Variants in HEATR5B observed in about 807,000 individuals in gnomAD.
The protein encoded by HEATR5B is HEAT repeat containing 5B, also known as HEAT repeat-containing protein 5B.
HEATR5B carries 156 observed loss-of-function variants against 224.1 expected under a neutral mutation model. The ratio of observed to expected loss-of-function variants is 0.70; its 90% CI spans 0.61 to 0.80. The LOEUF (loss-of-function observed/expected upper bound fraction) is 0.80. Ranked by LOEUF, HEATR5B falls within the 30% of genes least tolerant of loss-of-function variation. HEATR5B has a pLI of 0.00. For synonymous variants in HEATR5B, 1,027 were observed against 893.0 expected, an observed-to-expected ratio of 1.15 and a Z score of -2.68; for missense variants, 2,323 against 2,535.5, an observed-to-expected ratio of 0.92 and a Z score of 1.80.
Position 37,027,949 on chromosome 2 carries a change from C to T in HEATR5B, c.3827G>A (p.Arg1276His), listed in dbSNP as rs376585931. 16 of 1,613,888 alleles carry T rather than the reference C, an allele frequency of 9.9e-6. No individual in the cohort carries two copies. Among genetic ancestry groups the T allele is most frequent in the African/African-American group, 2.7e-5 (2 of 74,922 alleles). ...TGTAGGGTTTCGAAGTTTAGCAGAA[C>T]GTGCCAAGGCAAGATCAAAGTGAGC... ...DQAHFDLALA[R>H]SAKLRNPTND... The change falls in exon 24 of 36, where the codon CGT becomes CAT. Residue 1276 changes from arginine (R) to histidine (H), a missense_variant. Arg to His is a conservative substitution (Grantham distance 29). Around this residue, in one of 12 missense-constraint regions of HEATR5B, gnomAD observed 339 missense variants for 378.4 expected, o/e 0.90. Transcript: ENST00000233099.
At chr2:37,035,899 C>T (rs767525930) in intron 21 of HEATR5B, among the ~76,000 whole-genome samples, 4 of 152,174 alleles carry the variant, frequency 2.6e-5, no homozygotes. Flanking sequence ...CCCAACCCTC[C>T]TCCTCCGATG....
intron 17 of HEATR5B, among the ~76,000 whole-genome samples, chr2:37,052,634 A>C (rs1670632560): frequency 6.6e-6 from 1 of 152,236 alleles, no homozygotes; most frequent in Non-Finnish European, 1.5e-5. Flanking sequence ...CCTTTGGCAT[A>C]TCCAAATTGC....
Position 37,007,030 on chromosome 2 carries a change from T to C in HEATR5B, c.4777+20A>G, listed in dbSNP as rs777324996. On this transcript the variant is annotated intron_variant, in intron 29 of 35. Coordinates refer to ENST00000233099, the MANE Select transcript of HEATR5B (RefSeq NM_019024.3). ...TTTCAGAAGTGATAATCTTGAAATA[T>C]ATTAATATGACAGACCTACCTAAAA... is the stretch of plus-strand genomic sequence containing the variant. The C allele has an allele frequency of 1.1e-5, 17 of 1,608,982 alleles. No individual in the cohort carries two copies. Among genetic ancestry groups the C allele is most frequent in the Non-Finnish European group, 1.4e-5 (16 of 1,176,226 alleles).
intron 33 of HEATR5B, among the ~76,000 whole-genome samples, chr2:36,997,711 C>T (rs577600908): frequency 7.2e-5 from 11 of 151,860 alleles, no homozygotes; most frequent in South Asian, 6.2e-4. Context: ...GGACTACAGG[C>T]GCCCGCCACC....
chr2:37,062,776 A>G (rs1671362747), intron 10 of HEATR5B, among the ~76,000 whole-genome samples: 1 of 152,132 alleles, frequency 6.6e-6, no homozygotes, highest in African/African-American at 2.4e-5. Flanking sequence ...AAGCTCCAAA[A>G]GATTAGCTTA....
At chr2:37,053,663 T>C in intron 16 of HEATR5B, 56 bp from the exon 17 acceptor site, 1 of 1,011,464 alleles carries the variant, frequency 9.9e-7, no homozygotes, top group Non-Finnish European at 1.5e-6. Flanking sequence ...CCAATATGGC[T>C]CAAAAACGGA....
rs1187604076 is a variant in HEATR5B, at chr2:37,032,766, A to C, written c.3224T>G (p.Leu1075Ter). The stretch of plus-strand genomic sequence containing the variant: ...TCGAAGTAACAAATGGGAACTACAT[A>C]AGTGAACCTGTAAATCATAACAATG... The part of the protein sequence containing the change: ...SSLVPSLCVH[L>*]CSSHLLLRRA... The change falls in exon 22 of 36, where the codon TTA (leucine) becomes TGA (stop). Residue 1075 changes from leucine (L) to a stop codon, truncating the protein, a stop_gained. Transcript: ENST00000233099. LOFTEE classifies it high-confidence loss of function. 1 of 1,611,836 alleles carries C rather than the reference A, an allele frequency of 6.2e-7. No homozygotes were observed. Among genetic ancestry groups the C allele is most frequent in the South Asian group, 1.1e-5 (1 of 90,230 alleles).
intron 10 of HEATR5B, 46 bp from the exon 11 acceptor site, chr2:37,062,096 TTAAA>T: frequency 8.7e-7 from 1 of 1,152,592 alleles, no homozygotes; most frequent in Non-Finnish European, 1.3e-6. Flanking sequence ...ACAAGTTAAA[TTAAA>T]TAAGGAAACA....
intron 22 of HEATR5B, among the ~76,000 whole-genome samples, chr2:37,029,424 G>A (rs1668978560): frequency 1.3e-5 from 2 of 152,244 alleles, no homozygotes; most frequent in African/African-American, 4.8e-5. Context: ...AGCACTTTGG[G>A]AGGCTGAGGC....
Position 37,002,342 on chromosome 2 carries a change from TG to T in HEATR5B, c.5280del (p.Ile1761TyrfsTer15). ...CAAAGGGATGGTAAATCAGAGAGTA[TG>T]GTAACTGTGGCTGCCACCAAACGAG... is the stretch of plus-strand genomic sequence containing the variant. ...ESARLVAATV[T>X]ILSDLPSLCS... On this transcript the variant is annotated frameshift_variant, in exon 32 of 36. Coordinates refer to ENST00000233099, the MANE Select transcript of HEATR5B (RefSeq NM_019024.3). LOFTEE classifies it high-confidence loss of function. The T allele has an allele frequency of 6.2e-7, 1 of 1,614,194 alleles. No individual in the cohort carries two copies. The highest frequency in any genetic ancestry group is 1.1e-5 in the South Asian group (1 of 91,086).
At chr2:37,016,497 T>C (rs915142452) in intron 26 of HEATR5B, among the ~76,000 whole-genome samples, 1 of 152,178 alleles carries the variant, frequency 6.6e-6, no homozygotes, top group Non-Finnish European at 1.5e-5. Context: ...ATAAGGTACC[T>C]GAACCTCATT....
chr2:37,072,424 G>C (rs1173444520), intron 5 of HEATR5B, 143 bp from the exon 6 acceptor site: 3 of 569,164 alleles, frequency 5.3e-6, no homozygotes, highest in Non-Finnish European at 3.1e-6. Flanking sequence ...CAAGACACTG[G>C]ACATCAGGCA....
At chr2:37,047,576 T>G (rs1351000529) in intron 18 of HEATR5B, among the ~76,000 whole-genome samples, 1 of 152,240 alleles carries the variant, frequency 6.6e-6, no homozygotes, top group African/African-American at 2.4e-5. Flanking sequence ...AATTCAACTA[T>G]CAAAGATTTT....
At position 37,070,382 on chromosome 2, in the gene HEATR5B, G is replaced by T. The variant is rs1158979426; in HGVS notation, c.775C>A (p.Arg259Ser). ...ALMPKQATVM[R>S]QNVKRATFDE... is the part of the protein sequence containing the mutation. ...AATGTTGCTCGCTTCACATTCTGAC[G>T]CATTACTTTCAAGAAGAAAAATTAA... Residue 259 changes from arginine (R) to serine (S), a missense_variant, in exon 7 of 36, where the codon CGT becomes AGT. Physicochemically the swap from Arg to Ser is moderately radical, Grantham distance 110. Coordinates refer to ENST00000233099, the MANE Select transcript of HEATR5B (RefSeq NM_019024.3). The T allele has an allele frequency of 6.2e-7, 1 of 1,610,874 alleles. No individual in the cohort carries two copies.
intron 35 of HEATR5B, among the ~76,000 whole-genome samples, chr2:36,984,215 A>AAAAAAAAAAAAAAATATATATATATATAT: frequency 1.3e-5 from 1 of 77,642 alleles, no homozygotes; most frequent in Non-Finnish European, 2.3e-5. Flanking sequence ...AAAAAAAAAA[A>AAAAAAAAAAAAAAATATATATATATATAT]ATATATATAT....
At chr2:37,034,281 C>CA (rs1669330331) in intron 21 of HEATR5B, among the ~76,000 whole-genome samples, 1 of 149,066 alleles carries the variant, frequency 6.7e-6, no homozygotes. Context: ...GCTGGGATTA[C>CA]AGGCGTGAGC....
At chr2:37,014,902 G>A (rs1668020096) in intron 26 of HEATR5B, among the ~76,000 whole-genome samples, 1 of 151,906 alleles carries the variant, frequency 6.6e-6, no homozygotes. Context: ...AGAATCGCTA[G>A]GGAGCCAGAG....
At position 37,040,374 on chromosome 2, in the gene HEATR5B, G is replaced by A. The variant is rs146469156; in HGVS notation, c.3001C>T (p.Arg1001Ter). ...SHTEVHQCLG[R>*]CLGAIITTVG... ...GTAGTTATTATAGCACCCAAGCATC[G>A]ACCCAAACACTGATGAACTTCTGTA... Residue 1001 changes from arginine to a stop codon, truncating the protein, a stop_gained, in exon 20 of 36, where the codon CGA becomes TGA. Coordinates refer to ENST00000233099, the MANE Select transcript of HEATR5B (RefSeq NM_019024.3). LOFTEE classifies it high-confidence loss of function. 5 of 1,613,714 alleles carry A rather than the reference G, an allele frequency of 3.1e-6. No homozygotes were observed. Among genetic ancestry groups the A allele is most frequent in the East Asian group, 2.2e-5 (1 of 44,850 alleles).
At chr2:36,985,158 C>T (rs189662840) in intron 35 of HEATR5B, among the ~76,000 whole-genome samples, 1 of 152,240 alleles carries the variant, frequency 6.6e-6, no homozygotes, top group Admixed American at 6.5e-5. Context: ...CTCTTGGAAT[C>T]ATGTAACTAT....
Sources: allele counts gnomAD v4.1 joint callset (sites outside exome capture counted in the v4.1 genomes callset), GRCh38; gene constraint gnomAD v4.1.1; regional missense constraint gnomAD v4.1.1; transcripts MANE v1.5; gene names NCBI Gene and HGNC (gene_info 2026-07-23, HGNC 2026-07-21).